NRG1: variants seen among roughly 807,000 people sequenced by gnomAD.
NRG1 encodes the protein neuregulin 1.
NRG1 carries 18 observed loss-of-function variants against 63.8 expected under a neutral mutation model. The observed-to-expected ratio is 0.28, with a 90% CI of 0.19 to 0.42. The LOEUF (loss-of-function observed/expected upper bound fraction) is 0.42, where lower values mean the gene tolerates loss of function less well. Among genes scored for constraint, NRG1 ranks in the 10% least tolerant of loss-of-function variants. The pLI, the probability that NRG1 is intolerant of heterozygous loss-of-function variation, is 1.00. For missense variants in NRG1, 762 were observed against 814.7 expected, an observed-to-expected ratio of 0.94 and a Z score of 0.79; for synonymous variants, 302 against 301.3, an observed-to-expected ratio of 1.00 and a Z score of -0.02.
intron 1 of NRG1, among the ~76,000 whole-genome samples, chr8:32,083,855 G>A (rs1469719568): frequency 6.6e-6 from 1 of 152,012 alleles, no homozygotes; most frequent in African/African-American, 2.4e-5. Flanking sequence ...GACCATAATG[G>A]TAGCGGTAAT....
At chr8:32,648,078 C>A (rs1348421966) in intron 5 of NRG1, 1 of 1,613,884 alleles carries the variant, frequency 6.2e-7, no homozygotes, top group African/African-American at 1.3e-5. Context: ...AGGCCAGGAC[C>A]CTATTATTTC....
intron 1 of NRG1, among the ~76,000 whole-genome samples, chr8:32,554,324 T>TA (rs58454086): frequency 9.5e-5 from 14 of 147,760 alleles, no homozygotes; most frequent in East Asian, 7.8e-4. Flanking sequence ...TTTAATGGGT[T>TA]AAAAAAAAAA....
intron 1 of NRG1, among the ~76,000 whole-genome samples, chr8:32,054,804 C>G (rs893488832): frequency 6.8e-6 from 1 of 146,442 alleles, no homozygotes; most frequent in African/African-American, 2.5e-5. Context: ...TATACCTAAA[C>G]TTGGGTGTTT....
chr8:32,037,355 G>A (rs777141374), intron 1 of NRG1, among the ~76,000 whole-genome samples: 3 of 152,196 alleles, frequency 2.0e-5, no homozygotes, highest in African/African-American at 7.2e-5. Flanking sequence ...GAGTGCTCCT[G>A]TATGAGGTGT....
At chr8:32,693,533 A>G (rs1812426612) in intron 5 of NRG1, among the ~76,000 whole-genome samples, 1 of 148,374 alleles carries the variant, frequency 6.7e-6, no homozygotes, top group Non-Finnish European at 1.5e-5. Context: ...TCATTTTTTA[A>G]GTGAATATTT....
chr8:32,763,283 T>C, intron 11 of NRG1: 1 of 1,613,896 alleles, frequency 6.2e-7, no homozygotes, highest in East Asian at 2.2e-5. Flanking sequence ...CAGATCCAGC[T>C]ATCAGCAACT....
intron 1 of NRG1, among the ~76,000 whole-genome samples, chr8:31,853,676 C>T (rs1271810538): frequency 6.6e-6 from 1 of 151,380 alleles, no homozygotes; most frequent in Non-Finnish European, 1.5e-5. Flanking sequence ...GAGAGGGCAT[C>T]CCTGTCTTGT....
chr8:32,069,803 C>A (rs1194154419), intron 1 of NRG1, among the ~76,000 whole-genome samples: 2 of 152,156 alleles, frequency 1.3e-5, no homozygotes, highest in Non-Finnish European at 2.9e-5. Context: ...ACATCCTTCA[C>A]CTGAGAATGA....
At chr8:31,976,273 A>T (rs571556713) in intron 1 of NRG1, among the ~76,000 whole-genome samples, 10 of 152,304 alleles carry the variant, frequency 6.6e-5, no homozygotes, top group African/African-American at 1.4e-4. Context: ...TATACAGTAG[A>T]TGCCTAGCTG....
chr8:32,741,636 A>G (rs1239183347), intron 6 of NRG1, among the ~76,000 whole-genome samples: 2 of 152,172 alleles, frequency 1.3e-5, no homozygotes, highest in Non-Finnish European at 2.9e-5. Flanking sequence ...CAGGGATGGA[A>G]TCATGTTAGC....
At chr8:31,664,420 T>G (rs1806316963) in intron 1 of NRG1, among the ~76,000 whole-genome samples, 1 of 152,140 alleles carries the variant, frequency 6.6e-6, no homozygotes, top group Non-Finnish European at 1.5e-5. Context: ...GTGTTGATAG[T>G]GGAAGGTTGC....
chr8:32,734,320 C>T (rs1375832578), intron 6 of NRG1, among the ~76,000 whole-genome samples: 5 of 152,202 alleles, frequency 3.3e-5, no homozygotes, highest in Non-Finnish European at 5.9e-5. Flanking sequence ...GGTACAAACT[C>T]ACAGTTGTGT....
At chr8:32,474,539 C>A (rs1824252673) in intron 1 of NRG1, among the ~76,000 whole-genome samples, 2 of 148,172 alleles carry the variant, frequency 1.3e-5, no homozygotes, top group African/African-American at 5.0e-5. Flanking sequence ...TGCCGCCAGG[C>A]TGGAGGGCAG....
intron 1 of NRG1, among the ~76,000 whole-genome samples, chr8:32,391,909 T>C (rs1366585035): frequency 1.3e-5 from 2 of 152,212 alleles, no homozygotes; most frequent in Non-Finnish European, 2.9e-5. Flanking sequence ...CAACTTAAAA[T>C]AGTTATTTAA....
At chr8:32,187,758 A>T (rs1353650625) in intron 1 of NRG1, among the ~76,000 whole-genome samples, 1 of 152,192 alleles carries the variant, frequency 6.6e-6, no homozygotes, top group Non-Finnish European at 1.5e-5. Context: ...AAAAAAAAAA[A>T]ATCTTACTAA....
chr8:32,673,204 G>A (rs1339824490), intron 5 of NRG1, among the ~76,000 whole-genome samples: 2 of 152,162 alleles, frequency 1.3e-5, no homozygotes, highest in South Asian at 4.1e-4. Context: ...AATTGATAAT[G>A]TATTATATGA....
In NRG1 at chr8:32,253,162, C is replaced by G. The variant is rs542279572; in HGVS notation, c.38-342666C>G. On this transcript the variant is annotated intron_variant, in intron 1 of 10. Coordinates refer to the NRG1 transcript ENST00000519301. ...ACAAACAGAGACAATTTGACTTCCT[C>G]TTTTCCAATTTGAATATACTTTATT... Among the ~76,000 whole-genome samples, 7 of 152,306 alleles carry G rather than the reference C, an allele frequency of 4.6e-5. No individual in the cohort carries two copies. In the East Asian group the frequency reaches 1.3e-3, roughly 29 times the overall value.
At position 32,101,127 on chromosome 8, in the gene NRG1, G is replaced by A. The variant is rs147329562; in HGVS notation, c.37+461696G>A. 1.4e-3 allele frequency among the ~76,000 whole-genome samples: 213 copies of A among 152,136 alleles called. 1 individual carries two copies. The highest frequency in any genetic ancestry group is 3.7e-3 in the Admixed American group (56 of 15,268). ...AACTACATGTAACCAACCTATTTTG[G>A]TCTACATTAAGTGCAGCAGCATAAA... On this transcript the variant is annotated intron_variant, in intron 1 of 10. Transcript: ENST00000519301.
intron 1 of NRG1, among the ~76,000 whole-genome samples, chr8:31,817,000 A>G (rs897156147): frequency 9.9e-5 from 15 of 152,214 alleles, no homozygotes; most frequent in African/African-American, 3.6e-4. Context: ...TGAATATAAA[A>G]TTGAAATGTC....
Sources: gnomAD v4.1 joint callset for allele counts (sites outside exome capture counted in the v4.1 genomes callset) on GRCh38, gnomAD v4.1.1 for gene constraint, MANE v1.5 for transcripts, NCBI Gene and HGNC (gene_info 2026-07-23, HGNC 2026-07-21) for gene names.